The following CSNK2A2IP variants were observed in gnomAD, a reference collection of about 807,000 sequenced individuals.
CSNK2A2IP encodes casein kinase 2 subunit alpha' interacting protein, also known as casein kinase II subunit alpha'-interacting protein.
the CSNK2A2IP span, among the ~76,000 whole-genome samples, chr3:88,341,870 G>T: frequency 1.3e-5 from 2 of 151,896 alleles, no homozygotes; most frequent in Non-Finnish European, 2.9e-5. Flanking sequence ...GAAAACAATG[G>T]TGATGGTCTA....
the CSNK2A2IP span, among the ~76,000 whole-genome samples, chr3:88,426,171 C>T: frequency 6.6e-6 from 1 of 151,990 alleles, no homozygotes; most frequent in African/African-American, 2.4e-5. Context: ...TTATGAAAAC[C>T]ATGAATATTT....
At chr3:88,408,136 G>C in the CSNK2A2IP span, among the ~76,000 whole-genome samples, 1 of 152,118 alleles carries the variant, frequency 6.6e-6, no homozygotes. Context: ...CTTATTAAGG[G>C]CAAATTGCCC....
At chr3:88,389,495 G>C in the CSNK2A2IP span, among the ~76,000 whole-genome samples, 11 of 152,190 alleles carry the variant, frequency 7.2e-5, no homozygotes, top group Non-Finnish European at 1.3e-4. Context: ...GGGACTTATA[G>C]GCCATCGTAA....
the CSNK2A2IP span, among the ~76,000 whole-genome samples, chr3:88,416,566 G>A: frequency 4.3e-3 from 649 of 152,168 alleles, 7 homozygotes; most frequent in African/African-American, 0.014. Flanking sequence ...GAGGCTGAAT[G>A]GAAATTATTC....
the CSNK2A2IP span, among the ~76,000 whole-genome samples, chr3:88,420,124 C>G: frequency 1.3e-5 from 2 of 152,082 alleles, no homozygotes; most frequent in African/African-American, 4.8e-5. Flanking sequence ...CCAGGTGATT[C>G]CAGTGTGTAG....
chr3:88,393,164 G>C, the CSNK2A2IP span, among the ~76,000 whole-genome samples: 7 of 152,170 alleles, frequency 4.6e-5, no homozygotes, highest in African/African-American at 1.7e-4. Flanking sequence ...TTAAGTTTAA[G>C]CAGGTAAGAG....
chr3:88,460,702 T>C, the CSNK2A2IP span, among the ~76,000 whole-genome samples: 1 of 152,198 alleles, frequency 6.6e-6, no homozygotes, highest in Non-Finnish European at 1.5e-5. Flanking sequence ...AACAGAATAT[T>C]ACCAGTAGCT....
At chr3:88,374,356 G>A in the CSNK2A2IP span, among the ~76,000 whole-genome samples, 2 of 151,556 alleles carry the variant, frequency 1.3e-5, no homozygotes, top group South Asian at 2.1e-4. Flanking sequence ...CCAGCTGGAC[G>A]TTTGATGGAA....
chr3:88,405,842 C>T, the CSNK2A2IP span, among the ~76,000 whole-genome samples: 3 of 152,026 alleles, frequency 2.0e-5, no homozygotes, highest in African/African-American at 7.2e-5. Flanking sequence ...TTCTTTATTC[C>T]ATTAGGGAGC....
the CSNK2A2IP span, chr3:88,465,786 C>A: frequency 1.6e-6 from 2 of 1,231,660 alleles, no homozygotes; most frequent in African/African-American, 1.6e-5. Context: ...CACTGGAGCT[C>A]AATCAAGCAG....
chr3:88,452,450 CA>C, the CSNK2A2IP span, among the ~76,000 whole-genome samples: 1 of 152,104 alleles, frequency 6.6e-6, no homozygotes, highest in African/African-American at 2.4e-5. Flanking sequence ...ATGCTAAGCC[CA>C]CAGTTACTGA....
At chr3:88,426,770 C>A in the CSNK2A2IP span, among the ~76,000 whole-genome samples, 1 of 151,872 alleles carries the variant, frequency 6.6e-6, no homozygotes, top group Non-Finnish European at 1.5e-5. Context: ...GAGGCCTCCC[C>A]AGTCCTATGG....
chr3:88,413,607 GTA>G, the CSNK2A2IP span, among the ~76,000 whole-genome samples: 7 of 152,006 alleles, frequency 4.6e-5, no homozygotes, highest in South Asian at 4.1e-4. Flanking sequence ...CAAAAGTTGA[GTA>G]TGTGTGTGTG....
the CSNK2A2IP span, among the ~76,000 whole-genome samples, chr3:88,456,099 C>T: frequency 1.3e-5 from 2 of 152,008 alleles, no homozygotes; most frequent in South Asian, 2.1e-4. Flanking sequence ...GTTCTGATTA[C>T]TGTAGATTTG....
chr3:88,422,385 T>C, the CSNK2A2IP span, among the ~76,000 whole-genome samples: 13 of 152,200 alleles, frequency 8.5e-5, no homozygotes, highest in East Asian at 2.5e-3. Flanking sequence ...GCCTGGTACA[T>C]AGTGAATACT....
At chr3:88,343,615 T>C in the CSNK2A2IP span, among the ~76,000 whole-genome samples, 1 of 151,944 alleles carries the variant, frequency 6.6e-6, no homozygotes, top group East Asian at 1.9e-4. Context: ...TAATAAAATA[T>C]AAATTATTTT....
chr3:88,360,278 C>T, the CSNK2A2IP span, among the ~76,000 whole-genome samples: 7 of 151,900 alleles, frequency 4.6e-5, no homozygotes, highest in South Asian at 2.1e-4. Context: ...GGACTACAGG[C>T]GCCCACCACA....
chr3:88,415,579 A>T, the CSNK2A2IP span, among the ~76,000 whole-genome samples: 1 of 151,998 alleles, frequency 6.6e-6, no homozygotes, highest in Admixed American at 6.6e-5. Flanking sequence ...TATGATTGTT[A>T]AATGAAACTA....
At chr3:88,446,605 C>T in the CSNK2A2IP span, among the ~76,000 whole-genome samples, 1 of 152,044 alleles carries the variant, frequency 6.6e-6, no homozygotes, top group Non-Finnish European at 1.5e-5. Context: ...ATGACTTTTC[C>T]CTAATACTTA....
Sources: allele counts gnomAD v4.1 joint callset (sites outside exome capture counted in the v4.1 genomes callset), GRCh38; gene constraint gnomAD v4.1.1; transcripts MANE v1.5; gene names NCBI Gene and HGNC (gene_info 2026-07-23, HGNC 2026-07-21).